The following AFG2A variants were observed in gnomAD, a reference collection of about 807,000 sequenced individuals.
The protein encoded by AFG2A is AAA ATPase AFG2A, also known as ATPase family gene 2 protein homolog A.
At chr4:123,093,593 T>C in the AFG2A span, among the ~76,000 whole-genome samples, 1 of 152,190 alleles carries the variant, frequency 6.6e-6, no homozygotes, top group Non-Finnish European at 1.5e-5. Flanking sequence ...ACAAGTCTTG[T>C]TGGTCTCCTA....
chr4:122,929,459 C>T, the AFG2A span, among the ~76,000 whole-genome samples: 1 of 151,934 alleles, frequency 6.6e-6, no homozygotes, highest in East Asian at 1.9e-4. Flanking sequence ...TTTGGGAGGC[C>T]GAGGTGAGTG....
At chr4:123,108,659 T>TG in the AFG2A span, among the ~76,000 whole-genome samples, 6 of 147,706 alleles carry the variant, frequency 4.1e-5, no homozygotes, top group Non-Finnish European at 9.1e-5. Context: ...ATTCCGGAAC[T>TG]TTTTTTTTTG....
chr4:123,297,861 A>C, the AFG2A span, among the ~76,000 whole-genome samples: 1 of 152,184 alleles, frequency 6.6e-6, no homozygotes, highest in Non-Finnish European at 1.5e-5. Context: ...ATTTTGAGGC[A>C]TTGTGTTGCC....
chr4:123,249,314 G>A, the AFG2A span, among the ~76,000 whole-genome samples: 2 of 152,150 alleles, frequency 1.3e-5, no homozygotes, highest in African/African-American at 2.4e-5. Context: ...CTAACTGGGT[G>A]TTTAGGTGCT....
At chr4:122,955,681 T>C in the AFG2A span, among the ~76,000 whole-genome samples, 2 of 152,296 alleles carry the variant, frequency 1.3e-5, no homozygotes, top group East Asian at 1.9e-4. Context: ...TCTTTGAATA[T>C]CTTACTGTTG....
the AFG2A span, among the ~76,000 whole-genome samples, chr4:123,116,837 G>A: frequency 6.6e-6 from 1 of 152,092 alleles, no homozygotes. Context: ...TATTATAGAA[G>A]AACATGAGAA....
the AFG2A span, among the ~76,000 whole-genome samples, chr4:123,057,040 T>C: frequency 6.6e-6 from 1 of 152,236 alleles, no homozygotes; most frequent in South Asian, 2.1e-4. Flanking sequence ...GGGATACTTT[T>C]ACATCCATTA....
chr4:123,004,035 G>A, the AFG2A span, among the ~76,000 whole-genome samples: 22 of 152,256 alleles, frequency 1.4e-4, 1 homozygote, highest in South Asian at 2.5e-3. Context: ...CCCCAGCCTC[G>A]CTGCCGCCTT....
At chr4:123,058,423 G>A in the AFG2A span, among the ~76,000 whole-genome samples, 1 of 152,286 alleles carries the variant, frequency 6.6e-6, no homozygotes, top group South Asian at 2.1e-4. Context: ...TCAGGAGTTT[G>A]AGACTAGCCT....
At chr4:123,174,458 C>G in the AFG2A span, among the ~76,000 whole-genome samples, 1 of 152,062 alleles carries the variant, frequency 6.6e-6, no homozygotes, top group African/African-American at 2.4e-5. Context: ...TTAACTGACT[C>G]TGATGTAGAA....
chr4:123,053,294 A>G, the AFG2A span, among the ~76,000 whole-genome samples: 4 of 152,226 alleles, frequency 2.6e-5, no homozygotes, highest in Non-Finnish European at 4.4e-5. Flanking sequence ...TCTGGCCCAG[A>G]TGGACCTGGG....
chr4:123,044,771 T>TG, the AFG2A span, among the ~76,000 whole-genome samples: 53 of 124,720 alleles, frequency 4.2e-4, no homozygotes, highest in Admixed American at 2.4e-3. Context: ...GAGGATGTCA[T>TG]TTTTTTTTTT....
the AFG2A span, among the ~76,000 whole-genome samples, chr4:123,204,947 A>G: frequency 2.6e-5 from 4 of 152,214 alleles, no homozygotes; most frequent in Non-Finnish European, 5.9e-5. Context: ...GAAATTGGCA[A>G]TCACTATAAA....
the AFG2A span, among the ~76,000 whole-genome samples, chr4:122,981,952 A>G: frequency 1.3e-5 from 2 of 151,964 alleles, no homozygotes; most frequent in African/African-American, 4.8e-5. Flanking sequence ...ATCTGCAAAC[A>G]GACAATTTTT....
At chr4:123,169,278 G>T in the AFG2A span, among the ~76,000 whole-genome samples, 1 of 152,124 alleles carries the variant, frequency 6.6e-6, no homozygotes, top group African/African-American at 2.4e-5. Context: ...TAAATTCTTA[G>T]TAAATTATGT....
the AFG2A span, among the ~76,000 whole-genome samples, chr4:123,217,496 A>G: frequency 6.6e-6 from 1 of 152,164 alleles, no homozygotes; most frequent in Non-Finnish European, 1.5e-5. Flanking sequence ...ATTCATTTTG[A>G]TTCAACAGTT....
chr4:123,068,831 A>C, the AFG2A span, among the ~76,000 whole-genome samples: 2 of 152,158 alleles, frequency 1.3e-5, no homozygotes, highest in African/African-American at 4.8e-5. Context: ...CGTGTGAACA[A>C]ATTTTCTTTT....
the AFG2A span, among the ~76,000 whole-genome samples, chr4:123,163,630 T>C: frequency 8.5e-5 from 13 of 152,176 alleles, no homozygotes; most frequent in African/African-American, 3.1e-4. Flanking sequence ...TTAACATGTA[T>C]TTTACAGACT....
At chr4:123,226,194 AC>A in the AFG2A span, among the ~76,000 whole-genome samples, 3 of 152,066 alleles carry the variant, frequency 2.0e-5, no homozygotes, top group East Asian at 5.8e-4. Context: ...CTAATTGAAT[AC>A]CCTTTATTTC....
Sources: gnomAD v4.1 joint callset for allele counts (sites outside exome capture counted in the v4.1 genomes callset) on GRCh38, gnomAD v4.1.1 for gene constraint, MANE v1.5 for transcripts, NCBI Gene and HGNC (gene_info 2026-07-23, HGNC 2026-07-21) for gene names.